Variants in DENND1B observed in about 807,000 individuals in gnomAD.
DENND1B encodes DENN domain containing 1B, also known as DENN domain-containing protein 1B.
A neutral mutation model predicts 90.1 loss-of-function variants in DENND1B; 59 were observed. That is an observed-to-expected ratio of 0.65 (90% CI 0.53 to 0.81). DENND1B has a LOEUF of 0.81. Among genes scored for constraint, DENND1B ranks in the 40% least tolerant of loss-of-function variants. DENND1B has a pLI of 0.00. For synonymous variants in DENND1B, 337 were observed against 324.6 expected, an observed-to-expected ratio of 1.04 and a Z score of -0.41; for missense variants, 862 against 912.6, an observed-to-expected ratio of 0.94 and a Z score of 0.71.
intron 2 of DENND1B, among the ~76,000 whole-genome samples, chr1:197,740,568 G>C (rs1447316714): frequency 6.6e-6 from 1 of 152,140 alleles, no homozygotes; most frequent in Non-Finnish European, 1.5e-5. Flanking sequence ...TCAAAAGGAA[G>C]ATGAAATCCT....
intron 5 of DENND1B, among the ~76,000 whole-genome samples, chr1:197,663,855 C>G (rs1164547921): frequency 6.6e-6 from 1 of 151,966 alleles, no homozygotes; most frequent in Admixed American, 6.6e-5. Flanking sequence ...GAAATCCTAC[C>G]GACTACTCAC....
At chr1:197,571,828 G>T (rs1673182831) in intron 15 of DENND1B, among the ~76,000 whole-genome samples, 1 of 152,064 alleles carries the variant, frequency 6.6e-6, no homozygotes, top group Non-Finnish European at 1.5e-5. Context: ...TTAGTGACAG[G>T]GAGGGACACT....
chr1:197,745,868 T>C (rs1571592359), intron 2 of DENND1B, among the ~76,000 whole-genome samples: 1 of 151,948 alleles, frequency 6.6e-6, no homozygotes, highest in Non-Finnish European at 1.5e-5. Context: ...TAACAGTTTA[T>C]CTGAAAGTAC....
At chr1:197,631,414 T>C (rs1330876241) in intron 10 of DENND1B, among the ~76,000 whole-genome samples, 1 of 151,974 alleles carries the variant, frequency 6.6e-6, no homozygotes, top group Non-Finnish European at 1.5e-5. Flanking sequence ...TACTGTAGAG[T>C]AGTTAGGACT....
intron 6 of DENND1B, among the ~76,000 whole-genome samples, chr1:197,654,087 CACAA>C (rs971546906): frequency 2.0e-5 from 3 of 152,072 alleles, no homozygotes; most frequent in African/African-American, 4.8e-5. Flanking sequence ...TATTTACATG[CACAA>C]ACACATACAC....
chr1:197,553,600 T>C (rs1267570378), intron 15 of DENND1B, among the ~76,000 whole-genome samples: 2 of 152,168 alleles, frequency 1.3e-5, no homozygotes, highest in African/African-American at 4.8e-5. Context: ...CAAGTATCTG[T>C]GAGATGTTAG....
intron 2 of DENND1B, among the ~76,000 whole-genome samples, chr1:197,731,776 C>T (rs2102320060): frequency 6.6e-6 from 1 of 152,252 alleles, no homozygotes; most frequent in Non-Finnish European, 1.5e-5. Flanking sequence ...TCAAAGCTGT[C>T]CTGGCCACAT....
chr1:197,606,455 T>C (rs1370550219), intron 13 of DENND1B: 2 of 151,188 alleles, frequency 1.3e-5, no homozygotes, highest in Non-Finnish European at 3.0e-5. Context: ...CCAAAGCAAA[T>C]GACAAACAGT....
intron 19 of DENND1B, 63 bp from the exon 20 acceptor site, chr1:197,540,134 G>T: frequency 8.7e-7 from 1 of 1,146,036 alleles, no homozygotes; most frequent in Non-Finnish European, 1.3e-6. Context: ...TAACGTATTA[G>T]ATTAATAAAC....
chr1:197,608,228 G>A (rs1676866277), intron 12 of DENND1B, among the ~76,000 whole-genome samples: 2 of 150,476 alleles, frequency 1.3e-5, no homozygotes, highest in African/African-American at 4.9e-5. Flanking sequence ...TCAAATCTCT[G>A]CATATTAGAA....
chr1:197,716,840 T>A (rs1310011160), intron 2 of DENND1B, among the ~76,000 whole-genome samples: 1 of 151,972 alleles, frequency 6.6e-6, no homozygotes, highest in Non-Finnish European at 1.5e-5. Context: ...TACAACTATG[T>A]CTTAAATAAG....
At chr1:197,588,275 AGTG>A (rs1423162648) in intron 14 of DENND1B, among the ~76,000 whole-genome samples, 2 of 152,362 alleles carry the variant, frequency 1.3e-5, no homozygotes, top group East Asian at 3.9e-4. Flanking sequence ...TCAACTTCAG[AGTG>A]ATAATCATTA....
chr1:197,636,831 T>C (rs1444080231), intron 10 of DENND1B, among the ~76,000 whole-genome samples: 3 of 151,932 alleles, frequency 2.0e-5, no homozygotes, highest in African/African-American at 7.3e-5. Context: ...GTAGAACCTA[T>C]AGGATGTAGG....
chr1:197,724,196 T>A (rs1340686455), intron 2 of DENND1B, among the ~76,000 whole-genome samples: 1 of 152,042 alleles, frequency 6.6e-6, no homozygotes, highest in African/African-American at 2.4e-5. Context: ...CAAAAATGAC[T>A]TAAAGTTCAC....
At chr1:197,545,001 A>AGAC (rs1553281534) in intron 18 of DENND1B, among the ~76,000 whole-genome samples, 1 of 90,790 alleles carries the variant, frequency 1.1e-5, no homozygotes, top group African/African-American at 3.6e-5. Context: ...GGAAGAAGGA[A>AGAC]GACGACGACG....
At chr1:197,728,931 CCCA>C (rs1661898076) in intron 2 of DENND1B, among the ~76,000 whole-genome samples, 1 of 152,116 alleles carries the variant, frequency 6.6e-6, no homozygotes, top group East Asian at 1.9e-4. Flanking sequence ...AAATGTATTT[CCCA>C]CCAACTCCAA....
intron 15 of DENND1B, among the ~76,000 whole-genome samples, chr1:197,582,248 G>T (rs1385844737): frequency 3.3e-5 from 5 of 152,022 alleles, no homozygotes; most frequent in Admixed American, 6.6e-5. Context: ...ATTAATTGTT[G>T]CCATGCTGAC....
intron 2 of DENND1B, among the ~76,000 whole-genome samples, chr1:197,759,267 C>T (rs1285710155): frequency 2.7e-5 from 4 of 150,242 alleles, no homozygotes; most frequent in African/African-American, 9.8e-5. Flanking sequence ...CCATACCTGG[C>T]CTTAAATACT....
chr1:197,721,065 A>ATTTTTTTTT (rs11371047), intron 2 of DENND1B, among the ~76,000 whole-genome samples: 4 of 98,970 alleles, frequency 4.0e-5, no homozygotes, highest in African/African-American at 4.1e-5. Flanking sequence ...GAGAAACGGC[A>ATTTTTTTTT]TTTTTTTTTT....
Sources: allele counts gnomAD v4.1 joint callset (sites outside exome capture counted in the v4.1 genomes callset), GRCh38; gene constraint gnomAD v4.1.1; transcripts MANE v1.5; gene names NCBI Gene and HGNC (gene_info 2026-07-23, HGNC 2026-07-21).